Variants in LRBA observed in about 807,000 individuals in gnomAD.
LRBA encodes lipopolysaccharide-responsive and beige-like anchor protein.
In LRBA, 176 loss-of-function variants were observed where a neutral mutation model predicts 330.0. The ratio of observed to expected loss-of-function variants is 0.53; its 90% CI spans 0.47 to 0.60. The LOEUF (loss-of-function observed/expected upper bound fraction) is 0.60. Among genes scored for constraint, LRBA ranks in the 20% least tolerant of loss-of-function variants. The pLI, the probability that LRBA is intolerant of heterozygous loss-of-function variation, is 0.00. For synonymous variants in LRBA, 1,230 were observed against 1,193.0 expected (o/e 1.03, Z -0.64); for missense variants, 3,259 against 3,444.8 (o/e 0.95, Z 1.35).
At chr4:150,803,449 T>C (rs1007801012) in intron 33 of LRBA, among the ~76,000 whole-genome samples, 1 of 152,066 alleles carries the variant, frequency 6.6e-6, no homozygotes, top group African/African-American at 2.4e-5. Context: ...TTGTGAAAAT[T>C]TGAAATTTTC....
chr4:150,416,570 T>C (rs934144694), intron 46 of LRBA, among the ~76,000 whole-genome samples: 4 of 152,044 alleles, frequency 2.6e-5, no homozygotes, highest in African/African-American at 9.7e-5. Context: ...GAAACGAGCT[T>C]GTTCTTCCAA....
At chr4:150,919,910 T>A (rs1579204736) in intron 5 of LRBA, among the ~76,000 whole-genome samples, 1 of 152,142 alleles carries the variant, frequency 6.6e-6, no homozygotes, top group Admixed American at 6.5e-5. Context: ...AATTATAACA[T>A]GAGGCATGAA....
At chr4:150,402,777 A>G (rs1745667663) in intron 47 of LRBA, among the ~76,000 whole-genome samples, 1 of 151,724 alleles carries the variant, frequency 6.6e-6, no homozygotes, top group South Asian at 2.1e-4. Flanking sequence ...ATATAGAATT[A>G]TCTATCTCTC....
At chr4:150,790,613 T>A (rs1450182450) in intron 34 of LRBA, among the ~76,000 whole-genome samples, 1 of 152,250 alleles carries the variant, frequency 6.6e-6, no homozygotes, top group Non-Finnish European at 1.5e-5. Flanking sequence ...GTACAGTTAT[T>A]GAGCTGATTT....
chr4:150,646,246 A>T (rs1277368340), intron 37 of LRBA, among the ~76,000 whole-genome samples: 1 of 152,086 alleles, frequency 6.6e-6, no homozygotes, highest in Admixed American at 6.6e-5. Context: ...GAGTGAAGAC[A>T]AAGATGACTT....
At chr4:150,724,746 T>A (rs546384614) in intron 36 of LRBA, among the ~76,000 whole-genome samples, 11 of 151,738 alleles carry the variant, frequency 7.2e-5, no homozygotes, top group East Asian at 1.9e-4. Flanking sequence ...ATTTTTTTTT[T>A]AAATCAAGCA....
At chr4:150,268,726 A>G (rs1080195) in intron 56 of LRBA, among the ~76,000 whole-genome samples, 39,514 of 152,168 alleles carry the variant, frequency 0.26, 5,345 homozygotes, top group Non-Finnish European at 0.3. Flanking sequence ...TATTATGAAA[A>G]CAATAGGAGT....
intron 47 of LRBA, among the ~76,000 whole-genome samples, chr4:150,398,326 A>C (rs2151922033): frequency 6.6e-6 from 1 of 152,354 alleles, no homozygotes; most frequent in African/African-American, 2.4e-5. Flanking sequence ...AGAAGAAAAT[A>C]AGCCAATTGA....
rs1180635749 is a variant in LRBA at position 150,609,669 on chromosome 4, A to T, written c.5922-10538T>A. Among the ~76,000 whole-genome samples the T allele has an allele frequency of 2.0e-5, 3 of 152,228 alleles. No homozygotes were observed. In the East Asian group the frequency reaches 5.8e-4, roughly 29 times the overall value. On this transcript the variant is annotated intron_variant, in intron 37 of 56. Coordinates refer to ENST00000651943, the MANE Select transcript of LRBA (RefSeq NM_001364905.1). ...ACAGTGGCTGGAAGGAAAAGTAGAG[A>T]GTAAAACACTTATGCTTTGGTGGCA... is the stretch of plus-strand genomic sequence containing the variant.
At chr4:150,524,879 C>G (rs185317185) in intron 40 of LRBA, among the ~76,000 whole-genome samples, 1 of 152,070 alleles carries the variant, frequency 6.6e-6, no homozygotes, top group Non-Finnish European at 1.5e-5. Context: ...ATTCTAATCT[C>G]GCAAAGGCCA....
chr4:150,610,639 G>T (rs556368399), intron 37 of LRBA, among the ~76,000 whole-genome samples: 1 of 152,080 alleles, frequency 6.6e-6, no homozygotes, highest in East Asian at 1.9e-4. Context: ...CAGTTGACCA[G>T]ACTCATTCAA....
At chr4:150,967,558 A>G (rs1739041373) in intron 2 of LRBA, among the ~76,000 whole-genome samples, 1 of 152,172 alleles carries the variant, frequency 6.6e-6, no homozygotes, top group African/African-American at 2.4e-5. Context: ...GACATACATC[A>G]TTTTATGGCA....
chr4:150,491,098 C>A, intron 40 of LRBA, 63 bp from the exon 41 acceptor site: 1 of 745,508 alleles, frequency 1.3e-6, no homozygotes, highest in Non-Finnish European at 2.1e-6. Flanking sequence ...TTGTTTCTTT[C>A]CCCAATTAAA....
chr4:150,657,034 A>T (rs963553458), intron 37 of LRBA, among the ~76,000 whole-genome samples: 1 of 152,206 alleles, frequency 6.6e-6, no homozygotes, highest in African/African-American at 2.4e-5. Context: ...ATCATCACCC[A>T]GTGGAGGAAT....
chr4:151,005,602 C>CTTTTTT (rs1187161237), intron 2 of LRBA, among the ~76,000 whole-genome samples: 2 of 103,016 alleles, frequency 1.9e-5, no homozygotes, highest in African/African-American at 4.6e-5. Flanking sequence ...GTTACCCAGG[C>CTTTTTT]TTTTTTTTTT....
intron 22 of LRBA, among the ~76,000 whole-genome samples, chr4:150,856,063 GA>G (rs1301555773): frequency 6.6e-6 from 1 of 152,168 alleles, no homozygotes; most frequent in Middle Eastern, 3.2e-3. Context: ...GTATTGGCAT[GA>G]AATACTTTAT....
At chr4:150,636,894 C>T (rs1777977752) in intron 37 of LRBA, among the ~76,000 whole-genome samples, 1 of 152,144 alleles carries the variant, frequency 6.6e-6, no homozygotes, top group Admixed American at 6.5e-5. Flanking sequence ...AGCAATCCTC[C>T]ACCTCTGCCT....
At chr4:150,676,017 C>T (rs1034312411) in intron 37 of LRBA, among the ~76,000 whole-genome samples, 1 of 152,086 alleles carries the variant, frequency 6.6e-6, no homozygotes, top group African/African-American at 2.4e-5. Flanking sequence ...TTTGTGTTAA[C>T]ATCTCCCCTC....
chr4:150,762,906 C>T (rs912371455), intron 34 of LRBA, among the ~76,000 whole-genome samples: 1 of 151,894 alleles, frequency 6.6e-6, no homozygotes, highest in African/African-American at 2.4e-5. Context: ...ACCCTAATAG[C>T]TATTCCGTTC....
Sources: gnomAD v4.1 joint callset for allele counts (sites outside exome capture counted in the v4.1 genomes callset) on GRCh38, gnomAD v4.1.1 for gene constraint, MANE v1.5 for transcripts, NCBI Gene and HGNC (gene_info 2026-07-23, HGNC 2026-07-21) for gene names.